Variants in ADAMTS14 observed in about 807,000 individuals in gnomAD.
ADAMTS14 encodes ADAM metallopeptidase with thrombospondin type 1 motif 14.
In ADAMTS14, 100 loss-of-function variants were observed where a neutral mutation model predicts 128.6. The ratio of observed to expected loss-of-function variants is 0.78; its 90% CI spans 0.66 to 0.92. The LOEUF is 0.92. ADAMTS14 is among the 40% of genes least tolerant of loss of function. ADAMTS14 has a pLI of 0.00. For missense variants in ADAMTS14, 1,562 were observed against 1,658.6 expected (o/e 0.94, Z 1.01); for synonymous variants, 665 against 653.8 (o/e 1.02, Z -0.26).
In ADAMTS14 at chr10:70,760,979, C is replaced by T. The variant is rs41278002; in HGVS notation, c.*126C>T. On this transcript the variant is annotated 3_prime_UTR_variant, in exon 22 of 22. Transcript: ENST00000373207. ...TTCATTTTAAATCATTCGCCTTCTT[C>T]TCGTTTGGGGCTGTGATGCTCTTTA... is the stretch of plus-strand genomic sequence containing the variant. 0.042 allele frequency: 56,219 copies of T among 1,327,518 alleles called. 1,414 individuals are homozygous for T. The highest frequency in any genetic ancestry group is 0.051 in the Non-Finnish European group (51,229 of 1,007,864). The allele number at this position is 1,327,518 out of a possible 1,614,324, so 82.2% of individuals were successfully genotyped here. A position where few individuals can be genotyped will look rare whatever the true frequency, so the allele number is the denominator to read the frequency against.
rs781538722 is a variant in ADAMTS14 at position 70,736,667 on chromosome 10, C to T, written c.1486-13C>T. 47 of 1,611,872 alleles carry T rather than the reference C, an allele frequency of 2.9e-5. No individual in the cohort carries two copies. The South Asian group carries it at 5.0e-4, about 17-fold the overall frequency. On this transcript the variant is annotated splice_polypyrimidine_tract_variant and intron_variant, in intron 9 of 21. Transcript: ENST00000373207. ...CCAGTCCAGTCTGGTGACCCCATTC[C>T]CTTGCCATGCAGTTCAGGACCTTTG...
At chr10:70,701,165 T>TCCCC (rs1368445383) in intron 2 of ADAMTS14, among the ~76,000 whole-genome samples, 1 of 152,144 alleles carries the variant, frequency 6.6e-6, no homozygotes, top group Non-Finnish European at 1.5e-5. Context: ...GTGATGGGTG[T>TCCCC]TCAGTCGGAC....
chr10:70,744,091 G>T lies in ADAMTS14; in HGVS notation c.2084G>T (p.Gly695Val), dbSNP rs1339198662. Residue 695 changes from glycine (G) to valine (V), a missense_variant, in exon 14 of 22, where the codon GGG becomes GTG. Gly to Val is a moderately radical substitution (Grantham distance 109). Coordinates refer to ENST00000373207, the MANE Select transcript of ADAMTS14 (RefSeq NM_080722.4). ...CCTGTCGGCTGTGACAAGGAGGTGG[G>T]GTCCATGAAGGCGGATGACAAGTGT... Reference protein sequence around the residue: ...CVPVGCDKEVGSMKADDKCGV... With the variant: ...CVPVGCDKEVVSMKADDKCGV... 1.8e-5 allele frequency: 28 copies of T among 1,565,048 alleles called. No individual in the cohort carries two copies. The highest frequency in any genetic ancestry group is 2.3e-5 in the Non-Finnish European group (27 of 1,154,896).
Position 70,707,933 on chromosome 10 carries a change from A to G in ADAMTS14, c.680-655A>G, listed in dbSNP as rs565701043. On this transcript the variant is annotated intron_variant, in intron 3 of 21. Coordinates refer to ENST00000373207, the MANE Select transcript of ADAMTS14 (RefSeq NM_080722.4). ...ATCGAATGGTTGTGACCGAGAATGA[A>G]TGACCCCCAGAGCCTAAAATATTTA... is the stretch of plus-strand genomic sequence containing the variant. Among the ~76,000 whole-genome samples, 9 of 152,378 alleles carry G rather than the reference A, an allele frequency of 5.9e-5. No individual in the cohort carries two copies. The South Asian group carries it at 1.9e-3, about 32-fold the overall frequency.
intron 18 of ADAMTS14, 34 bp from the exon 19 acceptor site, chr10:70,753,766 G>C: frequency 6.6e-7 from 1 of 1,517,956 alleles, no homozygotes; most frequent in Non-Finnish European, 8.9e-7. Context: ...GTGCCCCCTT[G>C]GTCTCACCTC....
chr10:70,722,804 T>C (rs1458595243), intron 4 of ADAMTS14, among the ~76,000 whole-genome samples: 2 of 152,158 alleles, frequency 1.3e-5, no homozygotes, highest in Admixed American at 1.3e-4. Flanking sequence ...AAGTCCATAC[T>C]GATAACATAA....
At chr10:70,724,092 G>A (rs570511888) in intron 4 of ADAMTS14, among the ~76,000 whole-genome samples, 1 of 152,310 alleles carries the variant, frequency 6.6e-6, no homozygotes, top group South Asian at 2.1e-4. Context: ...AGGTGCTTGG[G>A]GAGTAGCAGT....
rs115802808 is a variant in ADAMTS14, at chr10:70,676,056, T to C, written c.522+1061T>C. Among the ~76,000 whole-genome samples, 1,133 of 152,302 alleles carry C rather than the reference T, an allele frequency of 7.4e-3. 15 individuals carry two copies. Among genetic ancestry groups the C allele is most frequent in the African/African-American group, 0.025 (1,059 of 41,558 alleles). ...GCTGCCTCTGTCTAGGCCAGTGCTT[T>C]CCACCTTTTATCATGATGTACCCCT... On this transcript the variant is annotated intron_variant, in intron 2 of 21. Coordinates refer to ENST00000373207, the MANE Select transcript of ADAMTS14 (RefSeq NM_080722.4).
intron 6 of ADAMTS14, among the ~76,000 whole-genome samples, chr10:70,731,504 G>T (rs889751483): frequency 6.6e-6 from 1 of 152,182 alleles, no homozygotes. Context: ...CACCTTGGAG[G>T]CCCCTAGGAC....
chr10:70,695,627 G>A (rs1265076884), intron 2 of ADAMTS14, among the ~76,000 whole-genome samples: 2 of 152,218 alleles, frequency 1.3e-5, no homozygotes, highest in Non-Finnish European at 2.9e-5. Flanking sequence ...TTTTGGGGTA[G>A]AGCAACTGGG....
intron 4 of ADAMTS14, among the ~76,000 whole-genome samples, chr10:70,725,112 A>G (rs549520845): frequency 1.6e-4 from 25 of 151,834 alleles, no homozygotes; most frequent in Non-Finnish European, 3.1e-4. Context: ...GTGCTAATAC[A>G]GTGTTTTCCG....
Position 70,749,899 on chromosome 10 carries a change from A to G in ADAMTS14, c.2341A>G (p.Met781Val), listed in dbSNP as rs1842300424. The G allele has an allele frequency of 1.1e-5, 18 of 1,614,150 alleles. No homozygotes were observed. Among genetic ancestry groups the G allele is most frequent in the Non-Finnish European group, 1.4e-5 (17 of 1,179,998 alleles). Residue 781 changes from methionine to valine, a missense_variant, in exon 16 of 22, where the codon ATG becomes GTG. By Grantham distance (21) the Met-to-Val change is conservative (BLOSUM62 1). Coordinates refer to ENST00000373207, the MANE Select transcript of ADAMTS14 (RefSeq NM_080722.4). ...AGCCACAAGCCGGACCTTCACCGCCATGGGCCTGGAGTGGGAGGATGCGGT... is the reference window on the plus strand; with the variant it reads ...AGCCACAAGCCGGACCTTCACCGCCGTGGGCCTGGAGTGGGAGGATGCGGT... ...KEATSRTFTA[M>V]GLEWEDAVED... is the part of the protein sequence containing the mutation.
chr10:70,752,096 G>T lies in ADAMTS14; in HGVS notation c.2598G>T (p.Gly866=). ...CACGGCAGCCTGCCCACCCCATAGG[G>T]ATCCAGTTCACCAAATACGGCTGCC... ...WAPCSKACGG[G]IQFTKYGCRR... The change falls in exon 18 of 22, where the codon GGG becomes GGT. Residue 866 remains glycine (G), a splice_region_variant and synonymous_variant. Transcript: ENST00000373207. The T allele has an allele frequency of 6.2e-7, 1 of 1,612,640 alleles. No individual in the cohort carries two copies. The highest frequency in any genetic ancestry group is 8.5e-7 in the Non-Finnish European group (1 of 1,179,566).
chr10:70,703,478 A>G (rs1011480978), intron 3 of ADAMTS14, among the ~76,000 whole-genome samples: 2 of 152,188 alleles, frequency 1.3e-5, no homozygotes, highest in African/African-American at 2.4e-5. Flanking sequence ...AGTATCACTC[A>G]TAAGAGAAGC....
Position 70,750,003 on chromosome 10 carries a change from C to A in ADAMTS14, c.2427+18C>A, listed in dbSNP as rs41306528. On this transcript the variant is annotated intron_variant, in intron 16 of 21. Transcript: ENST00000373207. ...CCATCCTGGTGAGCCCCACTCTGTG[C>A]GGTGGCAACCCCTGCCCACCCCACT... 171 of 1,610,090 alleles carry A rather than the reference C, an allele frequency of 1.1e-4. No homozygotes were observed. The highest frequency in any genetic ancestry group is 1.3e-4 in the Non-Finnish European group (155 of 1,177,446).
At chr10:70,729,405 T>C in intron 5 of ADAMTS14, 28 bp downstream of exon 5, 1 of 1,590,722 alleles carries the variant, frequency 6.3e-7, no homozygotes, top group Non-Finnish European at 8.6e-7. Flanking sequence ...CAGGCAGGGT[T>C]TGCGGGGAGA....
intron 16 of ADAMTS14, 62 bp downstream of exon 16, chr10:70,750,047 C>T: frequency 1.3e-6 from 2 of 1,582,320 alleles, no homozygotes; most frequent in Non-Finnish European, 8.6e-7. Context: ...TAGCTCGCTA[C>T]ATCTGCTGCC....
chr10:70,728,023 G>A (rs1407835715), intron 4 of ADAMTS14, among the ~76,000 whole-genome samples: 1 of 151,894 alleles, frequency 6.6e-6, no homozygotes, highest in Non-Finnish European at 1.5e-5. Flanking sequence ...ATGAACCCAG[G>A]AGGTGGAGTT....
chr10:70,694,250 C>T (rs550915465), intron 2 of ADAMTS14, among the ~76,000 whole-genome samples: 8 of 152,328 alleles, frequency 5.3e-5, no homozygotes, highest in East Asian at 3.9e-4. Context: ...TTTGCTGGAG[C>T]GTTTGTCGTC....
Sources: allele counts gnomAD v4.1 joint callset (sites outside exome capture counted in the v4.1 genomes callset), GRCh38; gene constraint gnomAD v4.1.1; transcripts MANE v1.5; gene names NCBI Gene and HGNC (gene_info 2026-07-23, HGNC 2026-07-21).